Variants in NCAM2 observed in about 807,000 individuals in gnomAD.
The protein encoded by NCAM2 is neural cell adhesion molecule 2, also known as N-CAM-2.
Under a neutral mutation model 98.1 loss-of-function variants are expected in NCAM2, and 30 were observed. That is an observed-to-expected ratio of 0.31 (90% confidence interval 0.23 to 0.41). The LOEUF is 0.41. Among genes scored for constraint, NCAM2 ranks in the 10% least tolerant of loss-of-function variants. The pLI, the probability that NCAM2 is intolerant of heterozygous loss-of-function variation, is 1.00. For missense variants in NCAM2, 867 were observed against 1,005.8 expected, an observed-to-expected ratio of 0.86 and a Z score of 1.87; for synonymous variants, 368 against 342.4, an observed-to-expected ratio of 1.07 and a Z score of -0.83.
chr21:21,341,323 A>T (rs1005259991), intron 8 of NCAM2, among the ~76,000 whole-genome samples: 3 of 152,158 alleles, frequency 2.0e-5, no homozygotes, highest in Non-Finnish European at 4.4e-5. Context: ...GATTTAGTAT[A>T]TGCAGCCCAG....
intron 1 of NCAM2, among the ~76,000 whole-genome samples, chr21:21,047,292 A>G (rs2065022993): frequency 6.6e-6 from 1 of 152,186 alleles, no homozygotes; most frequent in Admixed American, 6.5e-5. Flanking sequence ...AACAACAATT[A>G]TTTGAAAATA....
chr21:21,492,737 G>A (rs1320541774), intron 15 of NCAM2, among the ~76,000 whole-genome samples: 1 of 151,746 alleles, frequency 6.6e-6, no homozygotes, highest in Non-Finnish European at 1.5e-5. Flanking sequence ...AATTTGCATA[G>A]CAGCTATGTG....
intron 5 of NCAM2, among the ~76,000 whole-genome samples, chr21:21,298,588 C>CAGATAGAT (rs58405004): frequency 0.012 from 1,840 of 147,620 alleles, 35 homozygotes; most frequent in African/African-American, 0.035. Context: ...ATGATAGATA[C>CAGATAGAT]AGATAGATAG....
Position 21,543,272 on chromosome 21 carries a change from A to G in NCAM2, c.*5315A>G, listed in dbSNP as rs897322032. 2 of 152,002 alleles carry G rather than the reference A, an allele frequency of 1.3e-5. No individual in the cohort carries two copies. The highest frequency in any genetic ancestry group is 4.8e-5 in the African/African-American group (2 of 41,438). The allele number at this position is 152,002 out of a possible 1,614,324, so 9.4% of individuals were successfully genotyped here. A position where few individuals can be genotyped will look rare whatever the true frequency, so the allele number is the denominator to read the frequency against. ...ACATTGAAAGTATGGCTTACAGTAT[A>G]TCAAACTTGTCACACTTCACCATTT... On this transcript the variant is annotated 3_prime_UTR_variant, in exon 18 of 18. Transcript: ENST00000400546.
intron 1 of NCAM2, among the ~76,000 whole-genome samples, chr21:21,207,257 T>G (rs2069472778): frequency 6.6e-6 from 1 of 152,120 alleles, no homozygotes; most frequent in African/African-American, 2.4e-5. Flanking sequence ...TTCTCGAGCT[T>G]TAATTTAAAG....
chr21:21,315,635 C>G (rs2074197990), intron 5 of NCAM2, among the ~76,000 whole-genome samples: 1 of 152,158 alleles, frequency 6.6e-6, no homozygotes, highest in African/African-American at 2.4e-5. Context: ...CTTCCTGAGT[C>G]TGAACTGGAA....
At chr21:21,137,908 A>T (rs1785630292) in intron 1 of NCAM2, among the ~76,000 whole-genome samples, 1 of 145,898 alleles carries the variant, frequency 6.9e-6, no homozygotes, top group Admixed American at 6.8e-5. Flanking sequence ...TTCCATAATG[A>T]GTGTAGGATA....
At chr21:21,528,121 T>C (rs1338299794) in intron 16 of NCAM2, among the ~76,000 whole-genome samples, 2 of 152,172 alleles carry the variant, frequency 1.3e-5, no homozygotes, top group African/African-American at 4.8e-5. Context: ...TAATTCCAAC[T>C]ATATGACAAA....
In NCAM2 at chr21:21,533,207, G is replaced by A. The variant is rs11701513; in HGVS notation, c.2283-1330G>A. Among the ~76,000 whole-genome samples, 466 of 114,780 alleles carry A rather than the reference G, an allele frequency of 4.1e-3. 1 individual carries two copies. Among genetic ancestry groups the A allele is most frequent in the East Asian group, 0.013 (52 of 4,046 alleles). The allele number at this position is 114,780 out of a possible 152,430, so 75.3% of individuals were successfully genotyped here. On this transcript the variant is annotated intron_variant, in intron 16 of 17. Transcript: ENST00000400546. ...TAATCCTAGTGTATATGCTTCCTAAGAGCAAATTTTAATATCCTATATCCA... is the reference window on the plus strand; with the variant it reads ...TAATCCTAGTGTATATGCTTCCTAAAAGCAAATTTTAATATCCTATATCCA...
intron 1 of NCAM2, among the ~76,000 whole-genome samples, chr21:21,006,280 G>T (rs1292234857): frequency 1.3e-5 from 2 of 152,140 alleles, no homozygotes; most frequent in African/African-American, 4.8e-5. Flanking sequence ...GCCAAGGCCG[G>T]CAGGTTGCTT....
At chr21:21,521,397 G>A (rs1370567455) in intron 16 of NCAM2, among the ~76,000 whole-genome samples, 2 of 152,084 alleles carry the variant, frequency 1.3e-5, no homozygotes, top group East Asian at 3.9e-4. Flanking sequence ...AAATTACAAG[G>A]AGTACTGAAC....
chr21:21,480,663 G>A (rs1602466715), intron 15 of NCAM2, among the ~76,000 whole-genome samples: 1 of 152,290 alleles, frequency 6.6e-6, no homozygotes, highest in South Asian at 2.1e-4. Flanking sequence ...ATAATTGTAA[G>A]CAGAAAAGTT....
intron 1 of NCAM2, among the ~76,000 whole-genome samples, chr21:21,153,313 G>A (rs1268711129): frequency 1.3e-5 from 2 of 149,760 alleles, no homozygotes; most frequent in African/African-American, 4.9e-5. Context: ...TTTTCATGAA[G>A]CTCCCTGGAA....
intron 1 of NCAM2, among the ~76,000 whole-genome samples, chr21:21,245,715 CAG>C (rs776570243): frequency 2.4e-4 from 36 of 152,202 alleles, no homozygotes; most frequent in Non-Finnish European, 4.6e-4. Context: ...TTTTATTTCT[CAG>C]ATACTTTTTC....
intron 16 of NCAM2, among the ~76,000 whole-genome samples, chr21:21,525,724 A>G (rs1826780972): frequency 6.6e-6 from 1 of 152,160 alleles, no homozygotes; most frequent in South Asian, 2.1e-4. Flanking sequence ...CCACAGGCCA[A>G]TATCTTTCTA....
intron 15 of NCAM2, among the ~76,000 whole-genome samples, chr21:21,495,675 A>G (rs1312574787): frequency 6.6e-6 from 1 of 152,004 alleles, no homozygotes; most frequent in Non-Finnish European, 1.5e-5. Context: ...AATCACCTCT[A>G]ATATCCATGT....
At chr21:21,034,546 C>T (rs2064758745) in intron 1 of NCAM2, among the ~76,000 whole-genome samples, 1 of 151,912 alleles carries the variant, frequency 6.6e-6, no homozygotes, top group South Asian at 2.1e-4. Flanking sequence ...GTTTGTAGGC[C>T]TTCAACAAGA....
At chr21:21,343,177 G>A (rs547851144) in intron 8 of NCAM2, among the ~76,000 whole-genome samples, 6 of 152,038 alleles carry the variant, frequency 3.9e-5, no homozygotes, top group Non-Finnish European at 8.8e-5. Context: ...ACTGGTTTTT[G>A]TTAAAATACA....
At chr21:21,229,922 G>A (rs1289702164) in intron 1 of NCAM2, among the ~76,000 whole-genome samples, 2 of 151,434 alleles carry the variant, frequency 1.3e-5, no homozygotes, top group East Asian at 3.9e-4. Context: ...ATTAAGTCTT[G>A]TATAAAATCA....
Sources: allele counts gnomAD v4.1 joint callset (sites outside exome capture counted in the v4.1 genomes callset), GRCh38; gene constraint gnomAD v4.1.1; transcripts MANE v1.5; gene names NCBI Gene and HGNC (gene_info 2026-07-23, HGNC 2026-07-21).